Variants in NCAPD3 observed in about 807,000 individuals in gnomAD.
NCAPD3 encodes the protein condensin-2 complex subunit D3.
Under a neutral mutation model 182.9 loss-of-function variants are expected in NCAPD3, and 105 were observed. The ratio of observed to expected loss-of-function variants is 0.57; its 90% CI spans 0.49 to 0.68. NCAPD3 has a LOEUF of 0.68. NCAPD3 is among the 30% of genes least tolerant of loss of function. NCAPD3 has a pLI of 0.00. For missense variants in NCAPD3, 1,944 were observed against 1,837.0 expected (o/e 1.06, Z -1.07); for synonymous variants, 815 against 679.9 (o/e 1.20, Z -3.09).
intron 27 of NCAPD3, among the ~76,000 whole-genome samples, chr11:134,163,202 G>T (rs1427415104): frequency 6.6e-6 from 1 of 152,126 alleles, no homozygotes; most frequent in Non-Finnish European, 1.5e-5. Flanking sequence ...AGTTTTTAAA[G>T]ATTTCACTAG....
At chr11:134,217,829 T>G (rs993086666) in intron 2 of NCAPD3, among the ~76,000 whole-genome samples, 6 of 152,194 alleles carry the variant, frequency 3.9e-5, no homozygotes, top group Non-Finnish European at 1.5e-5. Context: ...CTGGGCACAA[T>G]GGCTCATGCC....
chr11:134,219,164 T>C (rs773739957), intron 2 of NCAPD3, among the ~76,000 whole-genome samples: 5 of 152,186 alleles, frequency 3.3e-5, no homozygotes, highest in Admixed American at 6.5e-5. Flanking sequence ...GGTGGCTCCT[T>C]CACTAGGACT....
chr11:134,165,142 C>T (rs1278691051), intron 27 of NCAPD3, among the ~76,000 whole-genome samples: 1 of 150,978 alleles, frequency 6.6e-6, no homozygotes, highest in Non-Finnish European at 1.5e-5. Flanking sequence ...AGGGGAGCAG[C>T]ACACTCACTT....
rs141961392 is a variant in NCAPD3 at position 134,210,118 on chromosome 11, G to C, written c.567+152C>G. Reference sequence around the variant, plus strand: ...AAAGAAAGAAAAATTATATGAAGCCGAAGACACAAAGCAGTATTGGATAGC... The same window carrying C: ...AAAGAAAGAAAAATTATATGAAGCCCAAGACACAAAGCAGTATTGGATAGC... On this transcript the variant is annotated intron_variant, in intron 4 of 34. Coordinates refer to ENST00000534548, the MANE Select transcript of NCAPD3 (RefSeq NM_015261.3). 844 of 575,408 alleles carry C rather than the reference G, an allele frequency of 1.5e-3. 4 individuals carry two copies. The highest frequency in any genetic ancestry group is 0.014 in the African/African-American group (772 of 53,800). 35.6% of individuals were successfully genotyped at this position (575,408 alleles called of 1,614,324 possible). A position where few individuals can be genotyped will look rare whatever the true frequency, so the allele number is the denominator to read the frequency against.
intron 8 of NCAPD3, among the ~76,000 whole-genome samples, 189 bp downstream of exon 8, chr11:134,206,410 C>T (rs1022607529): frequency 9.9e-5 from 15 of 152,132 alleles, no homozygotes; most frequent in African/African-American, 3.6e-4. Context: ...TTAACAGTGC[C>T]CCAGCTGGGA....
At position 134,167,502 on chromosome 11, in the gene NCAPD3, T is replaced by G. The variant is rs201902864; in HGVS notation, c.3573+494A>C. Among the ~76,000 whole-genome samples the G allele has an allele frequency of 8.5e-4, 116 of 136,212 alleles. 3 individuals are homozygous for G. Among genetic ancestry groups the G allele is most frequent in the East Asian group, 4.3e-3 (18 of 4,150 alleles). The allele number at this position is 136,212 out of a possible 152,430, so 89.4% of individuals were successfully genotyped here. A position where few individuals can be genotyped will look rare whatever the true frequency, so the allele number is the denominator to read the frequency against. ...AGATGAGCTTGGGGGAGGCGCACAC[T>G]CGTGAGATGAGCTCAGGGGAGCTGC... On this transcript the variant is annotated intron_variant, in intron 27 of 34. Transcript: ENST00000534548.
rs1944189567 is a variant in NCAPD3, at chr11:134,177,202, T to C, written c.3021+17A>G. On this transcript the variant is annotated intron_variant, in intron 23 of 34. Transcript: ENST00000534548. The stretch of plus-strand genomic sequence containing the variant: ...CAATGGTGAAGGGGAAAGGACAGAT[T>C]GAACCCCCCTACGCACCTGCAAGAG... 6.3e-7 allele frequency: 1 copy of C among 1,576,576 alleles called. No homozygotes were observed. Among genetic ancestry groups the C allele is most frequent in the Admixed American group, 1.7e-5 (1 of 59,928 alleles).
At chr11:134,171,941 T>A (rs980271028) in intron 24 of NCAPD3, among the ~76,000 whole-genome samples, 7 of 152,162 alleles carry the variant, frequency 4.6e-5, no homozygotes, top group African/African-American at 1.7e-4. Context: ...CACCAAATGT[T>A]CACGGCATGT....
At chr11:134,169,497 A>G (rs1284284455) in intron 24 of NCAPD3, among the ~76,000 whole-genome samples, 1 of 152,222 alleles carries the variant, frequency 6.6e-6, no homozygotes, top group Non-Finnish European at 1.5e-5. Flanking sequence ...ACAAAAACCA[A>G]TTTTAGTAAC....
At chr11:134,154,613 AGCCTCG>A (rs1943367409) in intron 32 of NCAPD3, among the ~76,000 whole-genome samples, 10 of 73,234 alleles carry the variant, frequency 1.4e-4, no homozygotes, top group East Asian at 4.8e-4. Flanking sequence ...TGGGTGGTGC[AGCCTCG>A]CCCCTCCTGG....
At chr11:134,197,680 C>A (rs1452541495) in intron 13 of NCAPD3, among the ~76,000 whole-genome samples, 2 of 152,194 alleles carry the variant, frequency 1.3e-5, no homozygotes, top group Non-Finnish European at 2.9e-5. Context: ...AAACCAAATC[C>A]AGCAAGATAC....
intron 24 of NCAPD3, among the ~76,000 whole-genome samples, chr11:134,174,698 ACTGT>A (rs1344697169): frequency 1.1e-4 from 16 of 152,188 alleles, no homozygotes; most frequent in African/African-American, 3.9e-4. Context: ...ACAACAATTT[ACTGT>A]CTATTTTCAA....
At chr11:134,192,668 C>T (rs756990076) in intron 16 of NCAPD3, 21 bp downstream of exon 16, 9 of 1,594,968 alleles carry the variant, frequency 5.6e-6, no homozygotes, top group Non-Finnish European at 6.9e-6. Context: ...ATAGGGAACA[C>T]AGGTCATACA....
chr11:134,150,545 A>G lies in NCAPD3; in HGVS notation c.*2399T>C, dbSNP rs1320565615. Reference sequence around the variant, plus strand: ...CAGCTCTCAGGTGGGCACTGCAGGGACACTGGTGTCTTCCATGTAGCGTCC... The same window carrying G: ...CAGCTCTCAGGTGGGCACTGCAGGGGCACTGGTGTCTTCCATGTAGCGTCC... On this transcript the variant is annotated 3_prime_UTR_variant, in exon 35 of 35. Coordinates refer to ENST00000534548, the MANE Select transcript of NCAPD3 (RefSeq NM_015261.3). 1.3e-5 allele frequency: 2 copies of G among 151,624 alleles called. No individual in the cohort carries two copies. The highest frequency in any genetic ancestry group is 3.9e-4 in the East Asian group (2 of 5,172). The allele number at this position is 151,624 out of a possible 1,614,324, so 9.4% of individuals were successfully genotyped here.
rs569406989 is a variant in NCAPD3, at chr11:134,205,155, C to T, written c.1017-184G>A. Among the ~76,000 whole-genome samples the T allele has an allele frequency of 3.9e-5, 6 of 152,260 alleles. No individual in the cohort carries two copies. The East Asian group carries it at 5.8e-4, about 15-fold the overall frequency. On this transcript the variant is annotated intron_variant, in intron 8 of 34. Coordinates refer to ENST00000534548, the MANE Select transcript of NCAPD3 (RefSeq NM_015261.3). ...TCGTAGAAAACTGTGAAGTAGTTCC[C>T]GTGCAGTTTTGAGAGCTGCTGCAGA...
chr11:134,157,835 A>T, intron 31 of NCAPD3, 93 bp downstream of exon 31: 1 of 1,355,460 alleles, frequency 7.4e-7, no homozygotes, highest in South Asian at 1.7e-5. Context: ...AAAGATAAGA[A>T]AACACACCGC....
intron 8 of NCAPD3, 78 bp downstream of exon 8, chr11:134,206,521 G>A: frequency 1.3e-6 from 2 of 1,555,262 alleles, no homozygotes; most frequent in South Asian, 1.2e-5. Context: ...AAGTCTACAT[G>A]TATCAGAAAT....
At chr11:134,168,296 G>A (rs1329730270) in intron 26 of NCAPD3, 101 bp from the exon 27 acceptor site, 2 of 1,436,558 alleles carry the variant, frequency 1.4e-6, no homozygotes, top group South Asian at 1.2e-5. Context: ...GAGGCTGTCA[G>A]GGGGTCTGCA....
intron 28 of NCAPD3, among the ~76,000 whole-genome samples, chr11:134,160,953 T>G (rs530300807): frequency 2.1e-4 from 32 of 150,790 alleles, no homozygotes; most frequent in South Asian, 1.9e-3. Flanking sequence ...TTTTGTTTTT[T>G]TTTTTCCTTT....
Sources: gnomAD v4.1 joint callset for allele counts (sites outside exome capture counted in the v4.1 genomes callset) on GRCh38, gnomAD v4.1.1 for gene constraint, MANE v1.5 for transcripts, NCBI Gene and HGNC (gene_info 2026-07-23, HGNC 2026-07-21) for gene names.